The following CNOT1 variants were observed in gnomAD, a reference collection of about 807,000 sequenced individuals.
The protein encoded by CNOT1 is CCR4-NOT transcription complex subunit 1.
A neutral mutation model predicts 273.8 loss-of-function variants in CNOT1; 15 were observed. The observed-to-expected ratio is 0.05, with a 90% CI of 0.04 to 0.08. CNOT1 has a LOEUF of 0.08. Ranked by LOEUF, CNOT1 falls within the 10% of genes least tolerant of loss-of-function variation. The pLI is 1.00. For missense variants in CNOT1, 1,644 were observed against 2,912.2 expected, an observed-to-expected ratio of 0.56 and a Z score of 10.02; for synonymous variants, 1,022 against 1,005.5, an observed-to-expected ratio of 1.02 and a Z score of -0.31.
At chr16:58,545,520 A>T (rs1163288493) in intron 29 of CNOT1, 29 bp from the exon 30 acceptor site, 2 of 1,612,280 alleles carry the variant, frequency 1.2e-6, no homozygotes, top group African/African-American at 1.3e-5. Context: ...AAAGAGATTT[A>T]AAAAGTACAT....
intron 44 of CNOT1, among the ~76,000 whole-genome samples, chr16:58,526,926 G>A (rs2039607660): frequency 6.6e-6 from 1 of 152,174 alleles, no homozygotes; most frequent in African/African-American, 2.4e-5. Context: ...AGCTACTCTG[G>A]AGGCTGAGGC....
At chr16:58,576,400 C>A in intron 14 of CNOT1, 63 bp downstream of exon 14, 1 of 1,603,826 alleles carries the variant, frequency 6.2e-7, no homozygotes, top group Non-Finnish European at 8.5e-7. Flanking sequence ...CATGAGCCAC[C>A]GCGCCCGGCC....
chr16:58,543,519 C>T, intron 31 of CNOT1, 88 bp downstream of exon 31: 4 of 1,592,638 alleles, frequency 2.5e-6, no homozygotes, highest in Non-Finnish European at 3.4e-6. Context: ...AGTGGTAACG[C>T]CCAGTGCCAT....
intron 1 of CNOT1, among the ~76,000 whole-genome samples, chr16:58,607,720 T>G (rs1224720288): frequency 6.3e-5 from 1 of 15,854 alleles, no homozygotes; most frequent in Non-Finnish European, 1.4e-4. Flanking sequence ...ACAGCAAAAC[T>G]CAAAAAAAAA....
chr16:58,537,281 C>G (rs2244453), intron 38 of CNOT1, 61 bp from the exon 39 acceptor site: 14 of 1,528,536 alleles, frequency 9.2e-6, no homozygotes, highest in Non-Finnish European at 1.2e-5. Context: ...TACAGACATA[C>G]GCATGTATAG....
At chr16:58,567,492 T>C (rs368074818) in intron 16 of CNOT1, among the ~76,000 whole-genome samples, 17 of 62,124 alleles carry the variant, frequency 2.7e-4, no homozygotes, top group African/African-American at 6.7e-4. Context: ...ATTTAAAAAA[T>C]AGGCATGCAT....
At chr16:58,603,953 T>A (rs1254001444) in intron 1 of CNOT1, among the ~76,000 whole-genome samples, 1 of 152,226 alleles carries the variant, frequency 6.6e-6, no homozygotes, top group Non-Finnish European at 1.5e-5. Context: ...TGCACCAATT[T>A]ATTATACATA....
chr16:58,527,722 C>T (rs897585078), intron 44 of CNOT1, among the ~76,000 whole-genome samples: 7 of 152,106 alleles, frequency 4.6e-5, no homozygotes, highest in African/African-American at 1.7e-4. Context: ...CTTAAGCATA[C>T]TTAAAATTTG....
intron 1 of CNOT1, among the ~76,000 whole-genome samples, chr16:58,611,836 AG>A (rs1241928269): frequency 2.0e-5 from 3 of 151,388 alleles, no homozygotes; most frequent in Admixed American, 2.0e-4. Flanking sequence ...AAAAAAAAAA[AG>A]AAATATTTAA....
At chr16:58,563,191 A>G (rs903036672) in intron 16 of CNOT1, among the ~76,000 whole-genome samples, 6 of 152,228 alleles carry the variant, frequency 3.9e-5, no homozygotes, top group African/African-American at 1.4e-4. Flanking sequence ...ATGGGACCAC[A>G]TATACAATGG....
chr16:58,621,690 G>C (rs1228822311), intron 1 of CNOT1, among the ~76,000 whole-genome samples: 1 of 149,618 alleles, frequency 6.7e-6, no homozygotes, highest in Non-Finnish European at 1.5e-5. Flanking sequence ...AGGCCGAGGC[G>C]GGCAGATCAC....
At chr16:58,598,007 T>C in intron 2 of CNOT1, 1 of 206,324 alleles carries the variant, frequency 4.8e-6, no homozygotes, top group African/African-American at 2.4e-5. Flanking sequence ...CTCACGCCTA[T>C]AATCCCAGCA....
At chr16:58,581,205 T>A in intron 11 of CNOT1, 140 bp downstream of exon 11, 1 of 961,876 alleles carries the variant, frequency 1.0e-6, no homozygotes, top group Non-Finnish European at 1.5e-6. Context: ...CTTCAATACT[T>A]ATGGACAGTC....
intron 10 of CNOT1, 50 bp from the exon 11 acceptor site, chr16:58,581,565 G>A (rs1474874824): frequency 6.7e-7 from 1 of 1,484,028 alleles, no homozygotes; most frequent in East Asian, 2.5e-5. Context: ...TGTATATTTT[G>A]ATACATTATC....
At chr16:58,556,736 C>A in intron 19 of CNOT1, 111 bp downstream of exon 19, 1 of 1,425,730 alleles carries the variant, frequency 7.0e-7, no homozygotes, top group Non-Finnish European at 9.2e-7. Context: ...GAATTTATTC[C>A]CATTGGTCTA....
chr16:58,551,384 T>A, intron 23 of CNOT1, 112 bp from the exon 24 acceptor site: 1 of 1,284,378 alleles, frequency 7.8e-7, no homozygotes. Flanking sequence ...TATGACTGTG[T>A]ATTAGAAATG....
Position 58,580,776 on chromosome 16 carries a change from A to G in CNOT1, c.1216-16T>C, listed in dbSNP as rs753260116. ...TGAAGGAGAGCTGCAATGAAAGAAA[A>G]TGCTTACCACCATAAATGATTGTGA... On this transcript the variant is annotated splice_polypyrimidine_tract_variant and intron_variant, in intron 11 of 48. Transcript: ENST00000317147. 2.0e-5 allele frequency: 32 copies of G among 1,602,324 alleles called. No homozygotes were observed. The highest frequency in any genetic ancestry group is 2.7e-5 in the Non-Finnish European group (32 of 1,174,140).
chr16:58,584,040 C>T (rs1460785799), intron 8 of CNOT1, among the ~76,000 whole-genome samples: 2 of 151,022 alleles, frequency 1.3e-5, no homozygotes, highest in African/African-American at 4.9e-5. Flanking sequence ...TGGTGGCGCT[C>T]ACCTGTAGTC....
At chr16:58,626,333 C>T (rs1246739496) in intron 1 of CNOT1, among the ~76,000 whole-genome samples, 2 of 138,008 alleles carry the variant, frequency 1.4e-5, no homozygotes, top group Non-Finnish European at 1.5e-5. Context: ...CTTGAACCTG[C>T]GAGGCAGGGG....
Sources: allele counts gnomAD v4.1 joint callset (sites outside exome capture counted in the v4.1 genomes callset), GRCh38; gene constraint gnomAD v4.1.1; transcripts MANE v1.5; gene names NCBI Gene and HGNC (gene_info 2026-07-23, HGNC 2026-07-21).